MMP8: variants seen among roughly 807,000 people sequenced by gnomAD.
MMP8 encodes matrix metallopeptidase 8.
In MMP8, 67 loss-of-function variants were observed where a neutral mutation model predicts 51.2. The observed-to-expected ratio is 1.31, with a 90% CI of 1.08 to 1.60. The LOEUF is 1.60. Among genes scored for constraint, MMP8 ranks in the 40% most tolerant of loss-of-function variants. The pLI is 0.00. For missense variants in MMP8, 654 were observed against 558.1 expected (o/e 1.17, Z -1.73); for synonymous variants, 225 against 191.0 (o/e 1.18, Z -1.47).
chr11:102,720,773 T>A (rs1861445358), intron 4 of MMP8, among the ~76,000 whole-genome samples: 1 of 150,944 alleles, frequency 6.6e-6, no homozygotes, highest in South Asian at 2.1e-4. Flanking sequence ...AGGGAAGGTG[T>A]CTGTTCTTTT....
At chr11:102,720,601 G>A (rs1356631857) in intron 4 of MMP8, among the ~76,000 whole-genome samples, 1 of 152,086 alleles carries the variant, frequency 6.6e-6, no homozygotes, top group Non-Finnish European at 1.5e-5. Flanking sequence ...CCCATATTTT[G>A]TGAAGTACCA....
chr11:102,715,910 A>AAATGGATGGT (rs1861278087), intron 6 of MMP8, among the ~76,000 whole-genome samples: 2 of 152,298 alleles, frequency 1.3e-5, no homozygotes, highest in Non-Finnish European at 2.9e-5. Context: ...TTTTGGATGG[A>AAATGGATGGT]ACTGGATGGT....
At position 102,718,506 on chromosome 11, in the gene MMP8, G is replaced by A; in HGVS notation, c.692C>T (p.Pro231Leu). 1.9e-6 allele frequency: 3 copies of A among 1,614,002 alleles called. No individual in the cohort carries two copies. The highest frequency in any genetic ancestry group is 3.3e-5 in the Admixed American group (2 of 59,980). The part of the protein sequence containing the change: ...HSLGLAHSSD[P>L]GALMYPNYAF... ...ATAGTTGGGATACATCAAGGCACCAGGGTCAGAGGAGTGAGCGAGCCCCAA... is the reference window on the plus strand; with the variant it reads ...ATAGTTGGGATACATCAAGGCACCAAGGTCAGAGGAGTGAGCGAGCCCCAA... The change falls in exon 5 of 10, where the codon CCT (proline) becomes CTT (leucine). Residue 231 changes from proline (P) to leucine (L), a missense_variant. Coordinates refer to ENST00000236826, the MANE Select transcript of MMP8 (RefSeq NM_002424.3).
chr11:102,722,458 G>C lies in MMP8; in HGVS notation c.318C>G (p.Pro106=). 1 of 1,613,774 alleles carries C rather than the reference G, an allele frequency of 6.2e-7. No individual in the cohort carries two copies. The highest frequency in any genetic ancestry group is 8.5e-7 in the Non-Finnish European group (1 of 1,179,788). ...AGGTCAAGTTAGTGCGTTCCCACTT[G>C]GGGTTTCCTGGGGTTAACATAAAAC... The part of the protein sequence containing the change: ...SGGFMLTPGN[P]KWERTNLTYR... Residue 106 remains proline (P), a synonymous_variant, in exon 2 of 10, where the codon CCC becomes CCG. Coordinates refer to ENST00000236826, the MANE Select transcript of MMP8 (RefSeq NM_002424.3).
In MMP8 at chr11:102,722,542, T is replaced by G. The variant is rs12803000; in HGVS notation, c.234A>C (p.Pro78=). The change falls in exon 2 of 10, where the codon CCA becomes CCC. Residue 78 remains proline (P), a synonymous_variant. Coordinates refer to ENST00000236826, the MANE Select transcript of MMP8 (RefSeq NM_002424.3). ...TCATCATGTCCAGAGTTTCCTCATT[T>G]GGCTTCCCCGTCACATTCAACCCAA... ...RFFGLNVTGK[P]NEETLDMMKK... 72,868 of 1,613,962 alleles carry G rather than the reference T, an allele frequency of 0.045. 1,931 individuals are homozygous for G. Among genetic ancestry groups the G allele is most frequent in the Middle Eastern group, 0.086 (522 of 6,062 alleles).
chr11:102,718,491 T>C lies in MMP8; in HGVS notation c.707A>G (p.Tyr236Cys). 6.2e-7 allele frequency: 1 copy of C among 1,613,830 alleles called. No homozygotes were observed. The highest frequency in any genetic ancestry group is 8.5e-7 in the Non-Finnish European group (1 of 1,179,892). Reference protein sequence around the residue: ...AHSSDPGALMYPNYAFRETSN... With the variant: ...AHSSDPGALMCPNYAFRETSN... ...GGTTTCCCTGAAAGCATAGTTGGGA[T>C]ACATCAAGGCACCAGGGTCAGAGGA... The change falls in exon 5 of 10, where the codon TAT becomes TGT. Residue 236 changes from tyrosine (Y) to cysteine (C), a missense_variant. Physicochemically the swap from Tyr to Cys is radical, Grantham distance 194 (BLOSUM62 -2). Transcript: ENST00000236826.
chr11:102,713,340 A>G lies in MMP8; in HGVS notation c.*8T>C, dbSNP rs1297685853. 1 of 1,593,904 alleles carries G rather than the reference A, an allele frequency of 6.3e-7. No individual in the cohort carries two copies. ...CTGAAAGTGGATACAGCCACATTTG[A>G]TTTTGCTTCAGCCATATCTACAGTT... On this transcript the variant is annotated 3_prime_UTR_variant, in exon 10 of 10. Transcript: ENST00000236826.
chr11:102,723,826 G>A (rs1420416436), intron 1 of MMP8: 1 of 239,012 alleles, frequency 4.2e-6, no homozygotes, highest in Non-Finnish European at 8.8e-6. Flanking sequence ...AGCAGTAGGT[G>A]ACACTGACCA....
At chr11:102,722,341 C>G (rs1466905908) in intron 2 of MMP8, 88 bp downstream of exon 2, 15 of 1,354,048 alleles carry the variant, frequency 1.1e-5, no homozygotes, top group Middle Eastern at 1.9e-4. Flanking sequence ...CTACTTGTTC[C>G]TAGTGTATCC....
intron 8 of MMP8, 99 bp downstream of exon 8, chr11:102,714,457 C>G: frequency 2.8e-6 from 2 of 719,820 alleles, no homozygotes; most frequent in Non-Finnish European, 4.0e-6. Flanking sequence ...CTATTAGAGA[C>G]TATCTAGATT....
At position 102,716,297 on chromosome 11, in the gene MMP8, T is replaced by C. The variant is rs1265102243; in HGVS notation, c.902+5A>G. 3 of 1,558,304 alleles carry C rather than the reference T, an allele frequency of 1.9e-6. No homozygotes were observed. Among genetic ancestry groups the C allele is most frequent in the Admixed American group, 3.5e-5 (2 of 56,572 alleles). On this transcript the variant is annotated splice_donor_5th_base_variant and intron_variant, in intron 6 of 9. Transcript: ENST00000236826. Reference sequence around the variant, plus strand: ...ATCAAAGGAAGAAATATTTCAATTTTATACCTGTCTTTAAAGAAAAGTATT... The same window carrying C: ...ATCAAAGGAAGAAATATTTCAATTTCATACCTGTCTTTAAAGAAAAGTATT...
rs1333055958 is a variant in MMP8, at chr11:102,715,304, C to A, written c.1036G>T (p.Gly346Cys). 9.3e-6 allele frequency: 15 copies of A among 1,608,536 alleles called. No individual in the cohort carries two copies. Among genetic ancestry groups the A allele is most frequent in the Non-Finnish European group, 1.3e-5 (15 of 1,178,274 alleles). Reference sequence around the variant, plus strand: ...TAAGATGAAAACTTTAGGAAGTTACCTTTAAATAGGAAAATGAGGTCTCTG... The same window carrying A: ...TAAGATGAAAACTTTAGGAAGTTACATTTAAATAGGAAAATGAGGTCTCTG... ...FDRDLIFLFKGNQYWALSGYD... is the reference protein window; with the variant it reads ...FDRDLIFLFKCNQYWALSGYD... Residue 346 changes from glycine (G) to cysteine (C), a missense_variant and splice_region_variant, in exon 7 of 10, where the codon GGC becomes TGC. Gly to Cys is a radical substitution (Grantham distance 159). Coordinates refer to ENST00000236826, the MANE Select transcript of MMP8 (RefSeq NM_002424.3).
chr11:102,723,582 C>A lies in MMP8; in HGVS notation c.103-909G>T, dbSNP rs1210615587. The A allele has an allele frequency of 9.0e-6, 4 of 443,828 alleles. No homozygotes were observed. In the Admixed American group the frequency reaches 1.0e-4, roughly 11 times the overall value. The allele number at this position is 443,828 out of a possible 1,614,324, so 27.5% of individuals were successfully genotyped here. A position where few individuals can be genotyped will look rare whatever the true frequency, so the allele number is the denominator to read the frequency against. ...ACATGGCAGAGAAACAAAAGGGGAG[C>A]AAGCATGTGTGAAAAGGGGCAAAAC... On this transcript the variant is annotated intron_variant, in intron 1 of 9. Coordinates refer to ENST00000236826, the MANE Select transcript of MMP8 (RefSeq NM_002424.3).
At chr11:102,717,197 T>G (rs1861323663) in intron 5 of MMP8, among the ~76,000 whole-genome samples, 1 of 152,160 alleles carries the variant, frequency 6.6e-6, no homozygotes, top group Non-Finnish European at 1.5e-5. Context: ...ATTCCACACT[T>G]TTTTAGAGAG....
chr11:102,721,378 G>A, intron 4 of MMP8, 23 bp downstream of exon 4: 1 of 1,613,102 alleles, frequency 6.2e-7, no homozygotes, highest in Non-Finnish European at 8.5e-7. Flanking sequence ...AGCTGTGTGT[G>A]GACATAATCT....
Position 102,718,561 on chromosome 11 carries a change from G to GAAACAAGT in MMP8, c.629_636dup (p.Leu213ThrfsTer25), listed in dbSNP as rs1861375978. On this transcript the variant is annotated frameshift_variant, in exon 5 of 10. Coordinates refer to ENST00000236826, the MANE Select transcript of MMP8 (RefSeq NM_002424.3). LOFTEE classifies it high-confidence loss of function. The stretch of plus-strand genomic sequence containing the variant: ...TGGCCAAATTCATGAGCAGCAACAA[G>GAAACAAGT]AAACAAGTTGTAATCTGAAATGCAA... 6.2e-7 allele frequency: 1 copy of GAAACAAGT among 1,613,758 alleles called. No homozygotes were observed. The highest frequency in any genetic ancestry group is 8.5e-7 in the Non-Finnish European group (1 of 1,179,856).
rs980112261 is a variant in MMP8, at chr11:102,713,236, A to G, written c.*112T>C. 1.1e-5 allele frequency: 8 copies of G among 713,378 alleles called. 1 individual carries two copies. Among genetic ancestry groups the G allele is most frequent in the Middle Eastern group, 2.4e-4 (1 of 4,140 alleles). The allele number at this position is 713,378 out of a possible 1,614,324, so 44.2% of individuals were successfully genotyped here. On this transcript the variant is annotated 3_prime_UTR_variant, in exon 10 of 10. Coordinates refer to ENST00000236826, the MANE Select transcript of MMP8 (RefSeq NM_002424.3). ...CAGGTAGAATGGATACAGTGATGGG[A>G]AACAATGACTTAATATTGAGAAAAG...
chr11:102,722,939 C>T lies in MMP8; in HGVS notation c.103-266G>A, dbSNP rs199926892. The T allele has an allele frequency of 5.5e-5, 67 of 1,215,542 alleles. No homozygotes were observed. The East Asian group carries it at 2.4e-3, about 43-fold the overall frequency. The allele number at this position is 1,215,542 out of a possible 1,614,324, so 75.3% of individuals were successfully genotyped here. A position where few individuals can be genotyped will look rare whatever the true frequency, so the allele number is the denominator to read the frequency against. ...ATCACATCACACAGGCAAAGTGCTA[C>T]TCTACAGTCAGGAGACTGTCTTCTT... is the stretch of plus-strand genomic sequence containing the variant. On this transcript the variant is annotated intron_variant, in intron 1 of 9. Coordinates refer to ENST00000236826, the MANE Select transcript of MMP8 (RefSeq NM_002424.3).
intron 7 of MMP8, among the ~76,000 whole-genome samples, 177 bp from the exon 8 acceptor site, chr11:102,714,886 G>A (rs541912910): frequency 2.0e-5 from 3 of 150,076 alleles, no homozygotes; most frequent in African/African-American, 7.3e-5. Flanking sequence ...TTAAGTTCAG[G>A]GGGGCTGTGA....
Sources: allele counts gnomAD v4.1 joint callset (sites outside exome capture counted in the v4.1 genomes callset), GRCh38; gene constraint gnomAD v4.1.1; transcripts MANE v1.5; gene names NCBI Gene and HGNC (gene_info 2026-07-23, HGNC 2026-07-21).